The following CAPN9 variants were observed in gnomAD, a reference collection of about 807,000 sequenced individuals.
The protein encoded by CAPN9 is calpain 9.
A neutral mutation model predicts 92.8 loss-of-function variants in CAPN9; 81 were observed. That is an observed-to-expected ratio of 0.87 (90% CI 0.73 to 1.05). CAPN9 has a LOEUF of 1.05. CAPN9 is among the 50% of genes least tolerant of loss of function. The probability of loss-of-function intolerance (pLI) is 0.00; values close to 1 mark genes in which losing one functional copy is unlikely to be tolerated. For synonymous variants in CAPN9, 304 were observed against 328.0 expected (o/e 0.93, Z 0.79); for missense variants, 848 against 866.2 (o/e 0.98, Z 0.26).
At chr1:230,771,061 C>T (rs375805440) in intron 6 of CAPN9, among the ~76,000 whole-genome samples, 3 of 152,270 alleles carry the variant, frequency 2.0e-5, no homozygotes, top group South Asian at 2.1e-4. Context: ...AGATCTTCTA[C>T]GTATTCCACG....
At chr1:230,797,238 C>T (rs1668415360) in intron 18 of CAPN9, among the ~76,000 whole-genome samples, 1 of 152,192 alleles carries the variant, frequency 6.6e-6, no homozygotes. Flanking sequence ...CTAACTTTTC[C>T]CTTGTGCTCC....
At position 230,800,295 on chromosome 1, in the gene CAPN9, A is replaced by T. The variant is rs71636369; in HGVS notation, c.2047-1275A>T. Among the ~76,000 whole-genome samples, 609 of 100,346 alleles carry T rather than the reference A, an allele frequency of 6.1e-3. 28 individuals carry two copies. The highest frequency in any genetic ancestry group is 0.023 in the Middle Eastern group (3 of 130). 65.8% of individuals were successfully genotyped at this position (100,346 alleles called of 152,430 possible). A position where few individuals can be genotyped will look rare whatever the true frequency, so the allele number is the denominator to read the frequency against. ...GAAAGAAAGAAAGAAAGAAAGAAAGAAAGAAAGAAAGGAAAAACAAGAGAG... is the reference window on the plus strand; with the variant it reads ...GAAAGAAAGAAAGAAAGAAAGAAAGTAAGAAAGAAAGGAAAAACAAGAGAG... On this transcript the variant is annotated intron_variant, in intron 19 of 19. Transcript: ENST00000271971.
chr1:230,767,710 G>A lies in CAPN9; in HGVS notation c.705+1G>A, dbSNP rs911803618. On this transcript the variant is annotated splice_donor_variant, in intron 5 of 19. Transcript: ENST00000271971. LOFTEE classifies it high-confidence loss of function. ...CTCCCTGCTGGGCTGCTTCATTGATGTAAGTTGCTCATGGGCTCCCATTCC... is the reference window on the plus strand; with the variant it reads ...CTCCCTGCTGGGCTGCTTCATTGATATAAGTTGCTCATGGGCTCCCATTCC... 1.9e-6 allele frequency: 3 copies of A among 1,611,578 alleles called. No individual in the cohort carries two copies. The highest frequency in any genetic ancestry group is 2.7e-5 in the African/African-American group (2 of 74,240).
chr1:230,753,825 G>A (rs1665018598), intron 1 of CAPN9, among the ~76,000 whole-genome samples: 1 of 151,378 alleles, frequency 6.6e-6, no homozygotes, highest in African/African-American at 2.4e-5. Context: ...TACCTCTCCC[G>A]AGACCGGCCC....
In CAPN9 at chr1:230,801,887, C is replaced by T. The variant is rs1234724956; in HGVS notation, c.*291C>T. Reference sequence around the variant, plus strand: ...TCCCACACTCTACTTTCCTTATTTCCTTCCATTAAGAATTACTCAGAGTTC... The same window carrying T: ...TCCCACACTCTACTTTCCTTATTTCTTTCCATTAAGAATTACTCAGAGTTC... On this transcript the variant is annotated 3_prime_UTR_variant, in exon 20 of 20. Coordinates refer to ENST00000271971, the MANE Select transcript of CAPN9 (RefSeq NM_006615.3). 10 of 466,824 alleles carry T rather than the reference C, an allele frequency of 2.1e-5. No homozygotes were observed. Among genetic ancestry groups the T allele is most frequent in the Non-Finnish European group, 3.8e-5 (10 of 260,592 alleles). The allele number at this position is 466,824 out of a possible 1,614,324, so 28.9% of individuals were successfully genotyped here. A position where few individuals can be genotyped will look rare whatever the true frequency, so the allele number is the denominator to read the frequency against.
intron 18 of CAPN9, among the ~76,000 whole-genome samples, chr1:230,797,073 C>T (rs1337522136): frequency 2.0e-5 from 3 of 152,210 alleles, no homozygotes; most frequent in Non-Finnish European, 2.9e-5. Context: ...CTGTACATTA[C>T]AATCTCCAGG....
In CAPN9 at chr1:230,801,685, G is replaced by A. The variant is rs115590205; in HGVS notation, c.*89G>A. ...ACTTCTCTTGGTGTGGAACCATTAC[G>A]CCCAGGGTTCACTCCCCTCTCATCG... On this transcript the variant is annotated 3_prime_UTR_variant, in exon 20 of 20. Coordinates refer to ENST00000271971, the MANE Select transcript of CAPN9 (RefSeq NM_006615.3). The A allele has an allele frequency of 7.2e-4, 877 of 1,212,936 alleles. 5 individuals are homozygous for A. In the African/African-American group the frequency reaches 8.9e-3, roughly 12 times the overall value. 75.1% of individuals were successfully genotyped at this position (1,212,936 alleles called of 1,614,324 possible). A position where few individuals can be genotyped will look rare whatever the true frequency, so the allele number is the denominator to read the frequency against.
In CAPN9 at chr1:230,772,744, CTTT is replaced by C. The variant is rs10602900; in HGVS notation, c.875+661_875+663del. Among the ~76,000 whole-genome samples, 128 of 138,850 alleles carry C rather than the reference CTTT, an allele frequency of 9.2e-4. 1 individual carries two copies. The highest frequency in any genetic ancestry group is 3.6e-3 in the Middle Eastern group (1 of 276). The allele number at this position is 138,850 out of a possible 152,430, so 91.1% of individuals were successfully genotyped here. ...GCAACAGAGCATGTTGACCCCATCT[CTTT>C]TTTTTTTTTTTTTTTAAAGGAAAAA... On this transcript the variant is annotated intron_variant, in intron 7 of 19. Coordinates refer to ENST00000271971, the MANE Select transcript of CAPN9 (RefSeq NM_006615.3).
Position 230,798,163 on chromosome 1 carries a change from G to T in CAPN9, c.1989G>T (p.Arg663=). Residue 663 remains arginine, a splice_region_variant and synonymous_variant, in exon 19 of 20, where the codon CGG becomes CGT. Coordinates refer to ENST00000271971, the MANE Select transcript of CAPN9 (RefSeq NM_006615.3). The stretch of plus-strand genomic sequence containing the variant: ...CCTTTCCCCCTTCTCTCCTATCAGG[G>T]GTGTTCCAGGCTCTCAGTACAAAGA... ...NCLVRLENAS[R]VFQALSTKNK... is the part of the protein sequence containing the mutation. 2.5e-6 allele frequency: 4 copies of T among 1,606,562 alleles called. No individual in the cohort carries two copies. The highest frequency in any genetic ancestry group is 3.4e-6 in the Non-Finnish European group (4 of 1,173,142).
intron 12 of CAPN9, among the ~76,000 whole-genome samples, chr1:230,786,854 C>T (rs931749416): frequency 6.6e-6 from 1 of 152,090 alleles, no homozygotes; most frequent in Admixed American, 6.6e-5. Flanking sequence ...CATTACATCT[C>T]CCCTATGTTA....
At chr1:230,762,497 A>G (rs1471967429) in intron 3 of CAPN9, among the ~76,000 whole-genome samples, 156 bp from the exon 4 acceptor site, 1 of 152,208 alleles carries the variant, frequency 6.6e-6, no homozygotes, top group Admixed American at 6.5e-5. Flanking sequence ...GACAAAGCCC[A>G]GGTGCCCTAC....
chr1:230,751,609 GAGAAAGAAAGAAAGAAAGAAAGAAAGAA>G (rs1168833010), intron 1 of CAPN9, among the ~76,000 whole-genome samples: 56 of 31,862 alleles, frequency 1.8e-3, no homozygotes, highest in Admixed American at 9.5e-3. Flanking sequence ...AAGAAAGAAA[GAGAAAGAAAGAAAGAAAGAAAGAAAGAA>G]AGAAAGAAAG....
Position 230,792,899 on chromosome 1 carries a change from A to T in CAPN9, c.1841A>T (p.Tyr614Phe). 6.2e-7 allele frequency: 1 copy of T among 1,614,052 alleles called. No homozygotes were observed. Among genetic ancestry groups the T allele is most frequent in the Non-Finnish European group, 8.5e-7 (1 of 1,179,922 alleles). Residue 614 changes from tyrosine (Y) to phenylalanine (F), a missense_variant, in exon 17 of 20, where the codon TAT (tyrosine) becomes TTT (phenylalanine). By Grantham distance (22) the Tyr-to-Phe change is conservative (BLOSUM62 3). Transcript: ENST00000271971. Reference protein sequence around the residue: ...DADKSGTMSTYELRTALKAAG... With the variant: ...DADKSGTMSTFELRTALKAAG... ...GACAAGTCCGGCACCATGTCTACCT[A>T]TGAACTACGGACTGCACTGAAAGCT...
intron 19 of CAPN9, among the ~76,000 whole-genome samples, chr1:230,800,286 GAA>G (rs1234068291): frequency 8.1e-6 from 1 of 123,390 alleles, no homozygotes; most frequent in Non-Finnish European, 1.8e-5. Flanking sequence ...AAGAAAGAAA[GAA>G]AGAAAGAAAG....
intron 3 of CAPN9, among the ~76,000 whole-genome samples, chr1:230,761,490 G>A (rs900971301): frequency 5.9e-5 from 9 of 152,052 alleles, no homozygotes; most frequent in African/African-American, 2.2e-4. Context: ...GCTGTGGATA[G>A]CCCCAAAAGC....
intron 9 of CAPN9, among the ~76,000 whole-genome samples, chr1:230,779,939 A>C (rs769518640): frequency 7.9e-5 from 12 of 152,238 alleles, no homozygotes; most frequent in Non-Finnish European, 1.3e-4. Context: ...GTTGAAGAGA[A>C]GGTGGAAATG....
At chr1:230,780,401 C>T (rs1667136231) in intron 10 of CAPN9, 65 bp downstream of exon 10, 7 of 1,598,026 alleles carry the variant, frequency 4.4e-6, no homozygotes, top group African/African-American at 2.7e-5. Flanking sequence ...GGCTCCTCCT[C>T]GGTCTCACAC....
chr1:230,751,744 G>C (rs1424253976), intron 1 of CAPN9, among the ~76,000 whole-genome samples: 4 of 151,552 alleles, frequency 2.6e-5, no homozygotes, highest in Non-Finnish European at 5.9e-5. Flanking sequence ...GTGTGTCTTC[G>C]GCTGAGCCCC....
intron 8 of CAPN9, among the ~76,000 whole-genome samples, chr1:230,775,929 A>G (rs1250782940): frequency 6.6e-6 from 1 of 152,000 alleles, no homozygotes; most frequent in African/African-American, 2.4e-5. Flanking sequence ...AAAAAAAAAA[A>G]AAAAATACTA....
Sources: allele counts gnomAD v4.1 joint callset (sites outside exome capture counted in the v4.1 genomes callset), GRCh38; gene constraint gnomAD v4.1.1; transcripts MANE v1.5; gene names NCBI Gene and HGNC (gene_info 2026-07-23, HGNC 2026-07-21).